The following GMDS variants were observed in gnomAD, a reference collection of about 807,000 sequenced individuals.
The protein encoded by GMDS is GDP-mannose 4,6-dehydratase, also known as GDP-mannose 4,6 dehydratase.
In GMDS, 20 loss-of-function variants were observed where a neutral mutation model predicts 49.9. That is an observed-to-expected ratio of 0.40 (90% CI 0.28 to 0.58). The LOEUF (loss-of-function observed/expected upper bound fraction) is 0.58. GMDS is among the 20% of genes least tolerant of loss of function. The pLI is 0.42. For synonymous variants in GMDS, 177 were observed against 178.6 expected (o/e 0.99, Z 0.07); for missense variants, 362 against 481.4 (o/e 0.75, Z 2.32).
At chr6:2,068,286 A>T (rs977213189) in intron 4 of GMDS, among the ~76,000 whole-genome samples, 3 of 151,638 alleles carry the variant, frequency 2.0e-5, no homozygotes, top group Admixed American at 6.6e-5. Context: ...AGAGCTATCT[A>T]TGACAAACCC....
chr6:2,151,850 T>C (rs1284842888), intron 1 of GMDS, among the ~76,000 whole-genome samples: 1 of 152,108 alleles, frequency 6.6e-6, no homozygotes, highest in African/African-American at 2.4e-5. Context: ...AGGTAAGAAA[T>C]GGGTATATGA....
intron 1 of GMDS, among the ~76,000 whole-genome samples, chr6:2,218,517 T>C (rs1780439714): frequency 6.6e-6 from 1 of 152,248 alleles, no homozygotes; most frequent in Non-Finnish European, 1.5e-5. Flanking sequence ...ACTCTGTCTT[T>C]GCCAGAAAGT....
intron 4 of GMDS, among the ~76,000 whole-genome samples, chr6:2,007,143 G>C (rs1371845393): frequency 1.3e-5 from 2 of 152,146 alleles, no homozygotes; most frequent in Non-Finnish European, 2.9e-5. Context: ...CTCATCCTTA[G>C]GTAGCTTCAA....
intron 9 of GMDS, among the ~76,000 whole-genome samples, chr6:1,723,826 G>C (rs1021807829): frequency 6.6e-6 from 1 of 152,158 alleles, no homozygotes; most frequent in African/African-American, 2.4e-5. Flanking sequence ...TGTATCCTAA[G>C]TTGAATGTAG....
At chr6:1,971,695 T>C (rs769109085) in intron 4 of GMDS, among the ~76,000 whole-genome samples, 1 of 152,134 alleles carries the variant, frequency 6.6e-6, no homozygotes, top group Non-Finnish European at 1.5e-5. Flanking sequence ...GTCCGTCCAC[T>C]CTCCACACTG....
intron 4 of GMDS, among the ~76,000 whole-genome samples, chr6:2,015,663 T>C (rs529791869): frequency 6.6e-6 from 1 of 151,932 alleles, no homozygotes; most frequent in South Asian, 2.1e-4. Context: ...CTGTAAGGTG[T>C]ATTTTCCAAG....
intron 4 of GMDS, among the ~76,000 whole-genome samples, chr6:2,108,533 T>G (rs1774366991): frequency 6.6e-6 from 1 of 152,180 alleles, no homozygotes; most frequent in Admixed American, 6.5e-5. Context: ...ATTGTTGAAT[T>G]TGGGGATCTT....
intron 6 of GMDS, among the ~76,000 whole-genome samples, chr6:1,947,586 G>A (rs1455182977): frequency 2.0e-5 from 3 of 152,220 alleles, no homozygotes; most frequent in Middle Eastern, 3.4e-3. Flanking sequence ...TTATCCTCAC[G>A]TACATCCTGC....
chr6:1,784,443 C>T (rs1769241823), intron 7 of GMDS, among the ~76,000 whole-genome samples: 1 of 151,248 alleles, frequency 6.6e-6, no homozygotes, highest in East Asian at 1.9e-4. Context: ...CCTTCCCTTT[C>T]CCCTGCCTGA....
chr6:1,844,896 A>G (rs1757320301), intron 7 of GMDS, among the ~76,000 whole-genome samples: 1 of 152,246 alleles, frequency 6.6e-6, no homozygotes, highest in Non-Finnish European at 1.5e-5. Flanking sequence ...ACCTGAGGGT[A>G]ACACTTCTTT....
chr6:1,949,297 G>A (rs1581407029), intron 6 of GMDS, among the ~76,000 whole-genome samples: 2 of 152,186 alleles, frequency 1.3e-5, no homozygotes, highest in Non-Finnish European at 2.9e-5. Context: ...CAGAAACTGA[G>A]ATCTGAGTAA....
rs1030770317 is a variant in GMDS at position 1,778,052 on chromosome 6, G to A, written c.772-35466C>T. ...ACAAAGAAGCATTTGTAAGCTCAGG[G>A]GTGCACGCATTAAAAAAAGAAGCTG... On this transcript the variant is annotated intron_variant, in intron 7 of 10. Coordinates refer to ENST00000380815, the MANE Select transcript of GMDS (RefSeq NM_001500.4). The surrounding 1 kb of genome is among the most constrained non-coding windows in gnomAD (Gnocchi z 4.6). Among the ~76,000 whole-genome samples, 9 of 151,996 alleles carry A rather than the reference G, an allele frequency of 5.9e-5. No homozygotes were observed. The highest frequency in any genetic ancestry group is 2.2e-4 in the African/African-American group (9 of 41,382).
intron 7 of GMDS, among the ~76,000 whole-genome samples, chr6:1,769,285 T>G (rs1768480385): frequency 6.6e-6 from 1 of 152,226 alleles, no homozygotes; most frequent in East Asian, 1.9e-4. Flanking sequence ...CAGTCTAACT[T>G]GTGAGTAAAC....
intron 1 of GMDS, among the ~76,000 whole-genome samples, chr6:2,230,080 G>A (rs377564452): frequency 2.1e-5 from 3 of 142,076 alleles, no homozygotes; most frequent in South Asian, 4.5e-4. Flanking sequence ...CCACAGTTGC[G>A]AGACTCCTCT....
At chr6:2,092,255 C>T (rs1042831195) in intron 4 of GMDS, among the ~76,000 whole-genome samples, 1 of 152,184 alleles carries the variant, frequency 6.6e-6, no homozygotes, top group Non-Finnish European at 1.5e-5. Context: ...CACCATCACA[C>T]AATCTTGCCT....
At chr6:1,801,058 G>A (rs750134598) in intron 7 of GMDS, among the ~76,000 whole-genome samples, 5 of 152,178 alleles carry the variant, frequency 3.3e-5, no homozygotes, top group Non-Finnish European at 5.9e-5. Flanking sequence ...AGTGACACTC[G>A]GGGGATACAA....
rs1756798917 is a variant in GMDS, at chr6:1,833,930, TCC to T, written c.772-91346_772-91345del. On this transcript the variant is annotated intron_variant, in intron 7 of 10. Transcript: ENST00000380815. This position sits in a 1 kb window ranked among gnomAD's most constrained non-coding sequence, Gnocchi z 4.4. Reference sequence around the variant, plus strand: ...ATCACAATGCATATATCGCATCAAATCCATAGAACAACTCTAATATTCTTACT... The same window carrying T: ...ATCACAATGCATATATCGCATCAAATATAGAACAACTCTAATATTCTTACT... Among the ~76,000 whole-genome samples the T allele has an allele frequency of 6.6e-6, 1 of 152,114 alleles. No homozygotes were observed. Among genetic ancestry groups the T allele is most frequent in the South Asian group, 2.1e-4 (1 of 4,824 alleles).
chr6:1,688,151 T>C (rs1185174712), intron 9 of GMDS, among the ~76,000 whole-genome samples: 1 of 151,928 alleles, frequency 6.6e-6, no homozygotes, highest in Non-Finnish European at 1.5e-5. Context: ...GGAGAGTGAG[T>C]GAACCGTTCG....
intron 1 of GMDS, among the ~76,000 whole-genome samples, chr6:2,215,106 A>G (rs1037730967): frequency 1.3e-5 from 2 of 152,216 alleles, no homozygotes; most frequent in African/African-American, 4.8e-5. Context: ...GGGATAAAAG[A>G]ACACTTTGGG....
Sources: allele counts gnomAD v4.1 joint callset (sites outside exome capture counted in the v4.1 genomes callset), GRCh38; gene constraint gnomAD v4.1.1; non-coding constraint Gnocchi (gnomAD v3.1); transcripts MANE v1.5; gene names NCBI Gene and HGNC (gene_info 2026-07-23, HGNC 2026-07-21).